The following DAPP1 variants were observed in gnomAD, a reference collection of about 807,000 sequenced individuals.
The protein encoded by DAPP1 is dual adapter for phosphotyrosine and 3-phosphotyrosine and 3-phosphoinositide.
DAPP1 carries 20 observed loss-of-function variants against 41.5 expected under a neutral mutation model. That is an observed-to-expected ratio of 0.48 (90% CI 0.34 to 0.70). DAPP1 has a LOEUF of 0.70. Ranked by LOEUF, DAPP1 falls within the 30% of genes least tolerant of loss-of-function variation. The pLI is 0.01. For missense variants in DAPP1, 233 were observed against 333.4 expected, an observed-to-expected ratio of 0.70 and a Z score of 2.35; for synonymous variants, 113 against 116.2, an observed-to-expected ratio of 0.97 and a Z score of 0.18.
At chr4:99,849,712 G>A (rs554518423) in intron 3 of DAPP1, among the ~76,000 whole-genome samples, 21 of 152,318 alleles carry the variant, frequency 1.4e-4, no homozygotes, top group Admixed American at 4.6e-4. Context: ...CATGGCAAGA[G>A]GGAATTAAGT....
chr4:99,833,583 C>T (rs909752480), intron 1 of DAPP1, among the ~76,000 whole-genome samples: 1 of 152,112 alleles, frequency 6.6e-6, no homozygotes, highest in Non-Finnish European at 1.5e-5. Context: ...CAGAATAGGG[C>T]TATTCCTCAA....
chr4:99,850,734 G>A (rs1390124046), intron 3 of DAPP1, among the ~76,000 whole-genome samples: 1 of 152,146 alleles, frequency 6.6e-6, no homozygotes, highest in East Asian at 1.9e-4. Context: ...CTAGCAGAAT[G>A]TTGCGTCTAG....
At chr4:99,841,096 C>G (rs1483849883) in intron 3 of DAPP1, among the ~76,000 whole-genome samples, 2 of 152,150 alleles carry the variant, frequency 1.3e-5, no homozygotes, top group Non-Finnish European at 2.9e-5. Context: ...GATATAGAAT[C>G]ACAACACTTT....
chr4:99,844,047 AT>A (rs1723582387), intron 3 of DAPP1: 2 of 152,218 alleles, frequency 1.3e-5, no homozygotes, highest in African/African-American at 4.8e-5. Flanking sequence ...TTCATTTGTG[AT>A]AGTGTTGCAG....
intron 3 of DAPP1, among the ~76,000 whole-genome samples, chr4:99,850,912 T>C (rs1723832633): frequency 6.6e-6 from 1 of 152,210 alleles, no homozygotes; most frequent in Non-Finnish European, 1.5e-5. Context: ...TTCTCACTAG[T>C]AAGGAGCAGA....
chr4:99,833,783 C>A (rs1723201812), intron 1 of DAPP1, among the ~76,000 whole-genome samples: 1 of 152,182 alleles, frequency 6.6e-6, no homozygotes, highest in Non-Finnish European at 1.5e-5. Flanking sequence ...TCTATTTGAG[C>A]AATAAGAAAG....
intron 1 of DAPP1, among the ~76,000 whole-genome samples, chr4:99,817,618 C>T (rs755588596): frequency 6.6e-6 from 1 of 152,192 alleles, no homozygotes; most frequent in Non-Finnish European, 1.5e-5. Context: ...GATAAAATTT[C>T]TGCTTCAAAC....
intron 4 of DAPP1, among the ~76,000 whole-genome samples, chr4:99,855,898 G>T (rs1473327114): frequency 6.6e-6 from 1 of 152,162 alleles, no homozygotes; most frequent in Non-Finnish European, 1.5e-5. Context: ...AGCAGTGGAG[G>T]AAGAGAATTA....
At chr4:99,865,101 C>T (rs562427673) in intron 7 of DAPP1, 1 of 152,404 alleles carries the variant, frequency 6.6e-6, no homozygotes, top group Admixed American at 6.5e-5. Context: ...CACTCACTCT[C>T]CACTAGACCT....
chr4:99,855,037 C>G (rs1032417060), intron 4 of DAPP1, among the ~76,000 whole-genome samples: 2 of 152,144 alleles, frequency 1.3e-5, no homozygotes, highest in African/African-American at 4.8e-5. Flanking sequence ...GTTATTTTGG[C>G]TTTGTTAGAA....
chr4:99,842,855 T>TC (rs1282006378), intron 3 of DAPP1, among the ~76,000 whole-genome samples: 6 of 147,190 alleles, frequency 4.1e-5, no homozygotes, highest in African/African-American at 1.6e-4. Flanking sequence ...TTTCTTTCTT[T>TC]TTTTTTTTTT....
intron 3 of DAPP1, among the ~76,000 whole-genome samples, chr4:99,843,018 A>G (rs1024805331): frequency 6.6e-6 from 1 of 152,176 alleles, no homozygotes; most frequent in Admixed American, 6.5e-5. Flanking sequence ...GCATTTGTCC[A>G]CACAATGGAC....
At chr4:99,872,188 GCAGGTCC>G (rs1724644076), downstream of DAPP1, among the ~76,000 whole-genome samples, 1 of 152,216 alleles carries the variant, frequency 6.6e-6, no homozygotes, top group Admixed American at 6.5e-5. Flanking sequence ...AGTTAGACCA[GCAGGTCC>G]CTGATCCCAT....
At chr4:99,863,973 C>G (rs1261166665) in intron 7 of DAPP1, 118 bp downstream of exon 7, 5 of 667,824 alleles carry the variant, frequency 7.5e-6, no homozygotes, top group Non-Finnish European at 1.3e-5. Flanking sequence ...GAGGGGCATG[C>G]CTGCATGTAA....
downstream of DAPP1, among the ~76,000 whole-genome samples, chr4:99,870,525 A>G (rs764047484): frequency 4.6e-5 from 7 of 152,166 alleles, no homozygotes; most frequent in Non-Finnish European, 1.5e-5. Flanking sequence ...CTAGTACTAG[A>G]CTAGGTGTTT....
chr4:99,832,274 A>C (rs987838897), intron 1 of DAPP1, among the ~76,000 whole-genome samples: 1 of 152,224 alleles, frequency 6.6e-6, no homozygotes, highest in Admixed American at 6.5e-5. Flanking sequence ...CTCTATTTTT[A>C]ACTTTTATGG....
downstream of DAPP1, among the ~76,000 whole-genome samples, chr4:99,871,877 T>C (rs1724634756): frequency 1.3e-5 from 2 of 152,222 alleles, no homozygotes; most frequent in South Asian, 4.1e-4. Flanking sequence ...GGCCAGACAA[T>C]GAGATTGTAA....
At chr4:99,866,502 A>G in intron 8 of DAPP1, 1 of 762,598 alleles carries the variant, frequency 1.3e-6, no homozygotes, top group South Asian at 1.4e-5. Context: ...GTTAGAGAAG[A>G]AAGTTTGCCA....
intron 4 of DAPP1, 31 bp downstream of exon 4, chr4:99,853,379 T>C (rs749561215): frequency 1.3e-6 from 2 of 1,585,820 alleles, no homozygotes; most frequent in East Asian, 2.3e-5. Context: ...CCACAAGCTC[T>C]CTCCCTGTCT....
Sources: gnomAD v4.1 joint callset for allele counts (sites outside exome capture counted in the v4.1 genomes callset) on GRCh38, gnomAD v4.1.1 for gene constraint, MANE v1.5 for transcripts, NCBI Gene and HGNC (gene_info 2026-07-23, HGNC 2026-07-21) for gene names.